NAALAD2: variants seen among roughly 807,000 people sequenced by gnomAD.
NAALAD2 encodes the protein N-acetylated-alpha-linked acidic dipeptidase 2.
NAALAD2 carries 89 observed loss-of-function variants against 95.6 expected under a neutral mutation model. The observed-to-expected ratio is 0.93, with a 90% CI of 0.78 to 1.11. The LOEUF is 1.11. Among genes scored for constraint, NAALAD2 ranks in the 50% least tolerant of loss-of-function variants. The pLI is 0.00. For synonymous variants in NAALAD2, 264 were observed against 294.4 expected, an observed-to-expected ratio of 0.90 and a Z score of 1.06; for missense variants, 894 against 872.4, an observed-to-expected ratio of 1.02 and a Z score of -0.31.
intron 13 of NAALAD2, among the ~76,000 whole-genome samples, chr11:90,172,937 T>C (rs1183671868): frequency 6.6e-6 from 1 of 152,076 alleles, no homozygotes; most frequent in East Asian, 1.9e-4. Flanking sequence ...CACCAAGTTA[T>C]AATGCTTTCA....
chr11:90,156,537 A>G (rs545880335), intron 6 of NAALAD2, among the ~76,000 whole-genome samples: 1 of 152,104 alleles, frequency 6.6e-6, no homozygotes, highest in Non-Finnish European at 1.5e-5. Context: ...CCCTATAAGC[A>G]CTACTTTAGC....
At chr11:90,190,615 A>G (rs1857295263) in intron 18 of NAALAD2, among the ~76,000 whole-genome samples, 1 of 152,182 alleles carries the variant, frequency 6.6e-6, no homozygotes, top group South Asian at 2.1e-4. Context: ...CTTGACTCAT[A>G]TACAGGTCAG....
At position 90,182,915 on chromosome 11, in the gene NAALAD2, G is replaced by A. The variant is rs773776560; in HGVS notation, c.1941-1G>A. 4 of 1,602,854 alleles carry A rather than the reference G, an allele frequency of 2.5e-6. No homozygotes were observed. Among genetic ancestry groups the A allele is most frequent in the Non-Finnish European group, 3.4e-6 (4 of 1,170,476 alleles). ...TAATTATGTATATGTTCTTCTCGAA[G>A]TCCCATTGCAGTGAGAATGATGAAT... is the stretch of plus-strand genomic sequence containing the variant. On this transcript the variant is annotated splice_acceptor_variant, in intron 17 of 18. Transcript: ENST00000534061. LOFTEE classifies it high-confidence loss of function.
intron 3 of NAALAD2, 149 bp downstream of exon 3, chr11:90,147,665 A>G (rs746427988): frequency 2.8e-6 from 2 of 704,598 alleles, no homozygotes; most frequent in Non-Finnish European, 4.5e-6. Flanking sequence ...TCCTGAGGCC[A>G]GAATAAGACT....
chr11:90,152,163 A>G, intron 5 of NAALAD2, 135 bp from the exon 6 acceptor site: 1 of 743,244 alleles, frequency 1.3e-6, no homozygotes, highest in Non-Finnish European at 2.0e-6. Context: ...TTCAAAGCCA[A>G]GAGAACTGAA....
chr11:90,164,436 C>CA lies in NAALAD2; in HGVS notation c.1278+820dup, dbSNP rs1952380397. On this transcript the variant is annotated intron_variant, in intron 11 of 18. Transcript: ENST00000534061. ...GGTAAACTGTGTCATGGGGATTTGC[C>CA]ACGCTGTTCAACTACTCTGTACAAG... 3 of 152,098 alleles carry CA rather than the reference C, an allele frequency of 2.0e-5. No homozygotes were observed. In the South Asian group the frequency reaches 6.2e-4, roughly 32 times the overall value. 9.4% of individuals were successfully genotyped at this position (152,098 alleles called of 1,614,324 possible). A position where few individuals can be genotyped will look rare whatever the true frequency, so the allele number is the denominator to read the frequency against.
chr11:90,189,373 T>C (rs1460801895), intron 18 of NAALAD2, among the ~76,000 whole-genome samples: 6 of 152,182 alleles, frequency 3.9e-5, no homozygotes, highest in Admixed American at 3.9e-4. Context: ...CACTCTGTAA[T>C]GGAATCTAAA....
At chr11:90,182,287 A>G (rs115612360) in intron 17 of NAALAD2, among the ~76,000 whole-genome samples, 94 of 152,274 alleles carry the variant, frequency 6.2e-4, no homozygotes, top group African/African-American at 2.2e-3. Context: ...AGATGTGTCC[A>G]TGTCACATTT....
chr11:90,157,628 T>C (rs959038859), intron 6 of NAALAD2, among the ~76,000 whole-genome samples: 1 of 152,180 alleles, frequency 6.6e-6, no homozygotes, highest in African/African-American at 2.4e-5. Flanking sequence ...CAAAACAAAT[T>C]TGGAAAACTG....
intron 2 of NAALAD2, 69 bp from the exon 3 acceptor site, chr11:90,147,261 A>G (rs772010479): frequency 8.1e-7 from 1 of 1,229,902 alleles, no homozygotes; most frequent in Non-Finnish European, 1.2e-6. Context: ...TAGTGCATTT[A>G]GAATAGTTCT....
chr11:90,178,862 T>C (rs1952883594), intron 16 of NAALAD2, among the ~76,000 whole-genome samples: 1 of 152,184 alleles, frequency 6.6e-6, no homozygotes, highest in Non-Finnish European at 1.5e-5. Context: ...AAGTATACTT[T>C]CCTTTTATTA....
Position 90,163,644 on chromosome 11 carries a change from TA to T in NAALAD2, c.1278+28del, listed in dbSNP as rs777810339. On this transcript the variant is annotated intron_variant, in intron 11 of 18. Coordinates refer to ENST00000534061, the MANE Select transcript of NAALAD2 (RefSeq NM_005467.4). ...TAAATAAGACAAAGAAGGTTCTTAT[TA>T]TTTTTTTGGTCAACAGGGAACAAAT... 2.5e-6 allele frequency: 4 copies of T among 1,606,270 alleles called. No individual in the cohort carries two copies. In the South Asian group the frequency reaches 3.3e-5, roughly 13 times the overall value.
intron 13 of NAALAD2, 102 bp downstream of exon 13, chr11:90,170,238 A>G: frequency 1.3e-6 from 1 of 755,768 alleles, no homozygotes; most frequent in Non-Finnish European, 2.4e-6. Context: ...AGCTGGTGAG[A>G]GAACATAATA....
At chr11:90,151,700 C>T (rs1173843410) in intron 5 of NAALAD2, among the ~76,000 whole-genome samples, 2 of 152,100 alleles carry the variant, frequency 1.3e-5, no homozygotes, top group African/African-American at 2.4e-5. Context: ...TGCTACAATA[C>T]TTTTGGTGAA....
chr11:90,154,124 G>A (rs1951964540), intron 6 of NAALAD2, among the ~76,000 whole-genome samples: 1 of 150,716 alleles, frequency 6.6e-6, no homozygotes. Context: ...GACCCTCCAG[G>A]ACATTTTTTT....
At chr11:90,167,294 C>G (rs577084604) in intron 11 of NAALAD2, among the ~76,000 whole-genome samples, 1 of 152,298 alleles carries the variant, frequency 6.6e-6, no homozygotes, top group East Asian at 1.9e-4. Context: ...CGCCGGCCAG[C>G]CTGCAAGCCC....
intron 14 of NAALAD2, 103 bp from the exon 15 acceptor site, chr11:90,175,869 C>T: frequency 1.7e-6 from 1 of 596,554 alleles, no homozygotes; most frequent in Non-Finnish European, 3.0e-6. Context: ...TAATTCCTTG[C>T]TATTCTTGGG....
chr11:90,138,914 T>C (rs1951528063), intron 2 of NAALAD2, among the ~76,000 whole-genome samples: 1 of 151,942 alleles, frequency 6.6e-6, no homozygotes, highest in South Asian at 2.1e-4. Context: ...TGATGGCATC[T>C]TCAATAATGT....
chr11:90,155,382 A>C (rs1952046933), intron 6 of NAALAD2, among the ~76,000 whole-genome samples: 1 of 82,302 alleles, frequency 1.2e-5, no homozygotes, highest in South Asian at 3.3e-4. Flanking sequence ...ATTACATATT[A>C]TACATGTAAT....
Sources: allele counts gnomAD v4.1 joint callset (sites outside exome capture counted in the v4.1 genomes callset), GRCh38; gene constraint gnomAD v4.1.1; transcripts MANE v1.5; gene names NCBI Gene and HGNC (gene_info 2026-07-23, HGNC 2026-07-21).